The following RASAL2 variants were observed in gnomAD, a reference collection of about 807,000 sequenced individuals.
The protein encoded by RASAL2 is ras GTPase-activating protein nGAP.
RASAL2 carries 58 observed loss-of-function variants against 128.9 expected under a neutral mutation model. That is an observed-to-expected ratio of 0.45 (90% CI 0.36 to 0.56). RASAL2 has a LOEUF of 0.56. RASAL2 is among the 20% of genes least tolerant of loss of function. RASAL2 has a pLI of 0.00. For missense variants in RASAL2, 1,360 were observed against 1,601.6 expected (o/e 0.85, Z 2.57); for synonymous variants, 561 against 580.8 (o/e 0.97, Z 0.49).
Position 178,210,835 on chromosome 1 carries a change from A to G in RASAL2, c.203-72729A>G, listed in dbSNP as rs143742974. Among the ~76,000 whole-genome samples the G allele has an allele frequency of 3.0e-3, 454 of 152,308 alleles. 2 individuals carry two copies. The highest frequency in any genetic ancestry group is 0.011 in the African/African-American group (437 of 41,568). On this transcript the variant is annotated intron_variant, in intron 1 of 17. Coordinates refer to ENST00000367649, the MANE Select transcript of RASAL2 (RefSeq NM_170692.4). ...ATAAAATTTTTGTTTGCTCTGTCCA[A>G]ACACCAAGGGCTCTAGTACTGTAGA...
intron 5 of RASAL2, among the ~76,000 whole-genome samples, chr1:178,432,251 A>T (rs536527967): frequency 6.6e-6 from 1 of 152,014 alleles, no homozygotes; most frequent in South Asian, 2.1e-4. Context: ...CTCATATTTC[A>T]TTCATTTTCT....
At chr1:178,111,832 C>T (rs993643722) in intron 1 of RASAL2, among the ~76,000 whole-genome samples, 6 of 152,128 alleles carry the variant, frequency 3.9e-5, no homozygotes, top group Admixed American at 2.6e-4. Context: ...CGGGTTCAAG[C>T]GATTCTCCCA....
At chr1:178,253,200 T>A (rs902263512) in intron 1 of RASAL2, among the ~76,000 whole-genome samples, 2 of 152,170 alleles carry the variant, frequency 1.3e-5, no homozygotes, top group Non-Finnish European at 2.9e-5. Context: ...CTGTCTCCGG[T>A]GTCACATGGC....
chr1:178,307,877 G>A (rs1254746861), intron 3 of RASAL2, among the ~76,000 whole-genome samples: 7 of 152,202 alleles, frequency 4.6e-5, no homozygotes, highest in Non-Finnish European at 1.0e-4. Flanking sequence ...ATAGTTGTTT[G>A]CATGTAACAT....
intron 5 of RASAL2, among the ~76,000 whole-genome samples, chr1:178,437,022 A>G (rs1310324284): frequency 6.6e-6 from 1 of 152,128 alleles, no homozygotes; most frequent in Non-Finnish European, 1.5e-5. Flanking sequence ...CCATGTTTGC[A>G]GAGCATGCCC....
At chr1:178,234,665 A>T (rs1251436933) in intron 1 of RASAL2, among the ~76,000 whole-genome samples, 1 of 152,110 alleles carries the variant, frequency 6.6e-6, no homozygotes, top group Non-Finnish European at 1.5e-5. Flanking sequence ...TATGTTTTTT[A>T]AAAAACCTTA....
chr1:178,400,811 T>G (rs1284338046), intron 4 of RASAL2, among the ~76,000 whole-genome samples: 2 of 152,188 alleles, frequency 1.3e-5, no homozygotes, highest in Admixed American at 6.6e-5. Context: ...AATGCAGTGG[T>G]GTAATCTCAG....
intron 3 of RASAL2, among the ~76,000 whole-genome samples, chr1:178,366,603 AAC>A (rs1214012066): frequency 1.6e-5 from 2 of 122,286 alleles, no homozygotes; most frequent in East Asian, 2.8e-4. Flanking sequence ...GCCAAAAAAA[AAC>A]ACAGATTATA....
At chr1:178,252,306 G>A (rs985880599) in intron 1 of RASAL2, among the ~76,000 whole-genome samples, 3 of 151,980 alleles carry the variant, frequency 2.0e-5, no homozygotes, top group African/African-American at 7.2e-5. Flanking sequence ...TATGCAGATA[G>A]TATACTCACT....
intron 1 of RASAL2, among the ~76,000 whole-genome samples, chr1:178,212,646 C>T (rs537946727): frequency 2.0e-5 from 3 of 152,076 alleles, no homozygotes; most frequent in African/African-American, 7.2e-5. Context: ...TATGCACCAC[C>T]ACGCCCAACT....
rs555960512 is a variant in RASAL2 at position 178,186,394 on chromosome 1, AT to A, written c.202+91708del. ...CATTTCCATTGATTTCTACTCTGTT[AT>A]TTTTTTTACTTCTGCTTACATTAGG... On this transcript the variant is annotated intron_variant, in intron 1 of 17. Coordinates refer to ENST00000367649, the MANE Select transcript of RASAL2 (RefSeq NM_170692.4). Among the ~76,000 whole-genome samples the A allele has an allele frequency of 2.1e-3, 311 of 151,358 alleles. 1 individual carries two copies. The highest frequency in any genetic ancestry group is 3.5e-3 in the Non-Finnish European group (237 of 67,770).
intron 3 of RASAL2, among the ~76,000 whole-genome samples, chr1:178,375,648 C>T (rs773953954): frequency 2.5e-4 from 38 of 152,002 alleles, no homozygotes; most frequent in Non-Finnish European, 4.4e-4. Context: ...GTTTGTGTAG[C>T]TCAGGTGAAT....
At chr1:178,324,220 G>A (rs1668923164) in intron 3 of RASAL2, among the ~76,000 whole-genome samples, 1 of 152,094 alleles carries the variant, frequency 6.6e-6, no homozygotes, top group Non-Finnish European at 1.5e-5. Context: ...AATAGACTAG[G>A]TGTTATGTTT....
chr1:178,302,230 C>T (rs370092719), intron 3 of RASAL2, among the ~76,000 whole-genome samples: 15 of 152,160 alleles, frequency 9.9e-5, no homozygotes, highest in African/African-American at 3.6e-4. Flanking sequence ...CTATGCCAGT[C>T]GCTAAGAGTG....
intron 1 of RASAL2, among the ~76,000 whole-genome samples, chr1:178,212,124 A>G (rs116753111): frequency 0.018 from 2,753 of 152,300 alleles, 76 homozygotes; most frequent in African/African-American, 0.059. Context: ...GTAGATGTAG[A>G]AATGGTCTAC....
intron 1 of RASAL2, among the ~76,000 whole-genome samples, chr1:178,163,844 T>A (rs911264308): frequency 1.3e-5 from 2 of 152,184 alleles, no homozygotes; most frequent in African/African-American, 4.8e-5. Flanking sequence ...TTTGTTTAAT[T>A]TGTAGATCAA....
In RASAL2 at chr1:178,094,343, A is replaced by T; in HGVS notation, c.-150A>T. 1 of 677,972 alleles carries T rather than the reference A, an allele frequency of 1.5e-6. No individual in the cohort carries two copies. The highest frequency in any genetic ancestry group is 3.7e-5 in the Admixed American group (1 of 27,326). The allele number at this position is 677,972 out of a possible 1,614,324, so 42.0% of individuals were successfully genotyped here. A position where few individuals can be genotyped will look rare whatever the true frequency, so the allele number is the denominator to read the frequency against. On this transcript the variant is annotated 5_prime_UTR_variant, in exon 1 of 18. Transcript: ENST00000367649. ...GAGCCTCGGGCAGTGGGCGACGGGG[A>T]AGGAGGTGAGAGGTGTCCGCGCCGG...
intron 1 of RASAL2, among the ~76,000 whole-genome samples, chr1:178,158,274 A>G (rs566970204): frequency 5.9e-5 from 9 of 152,360 alleles, no homozygotes; most frequent in Non-Finnish European, 8.8e-5. Flanking sequence ...AATTAGATCA[A>G]CTTGGGTTCA....
chr1:178,234,360 G>A (rs978262840), intron 1 of RASAL2, among the ~76,000 whole-genome samples: 4 of 152,018 alleles, frequency 2.6e-5, no homozygotes, highest in African/African-American at 4.8e-5. Flanking sequence ...TAAAAAGTTG[G>A]GATTTTAATT....
Sources: gnomAD v4.1 joint callset for allele counts (sites outside exome capture counted in the v4.1 genomes callset) on GRCh38, gnomAD v4.1.1 for gene constraint, MANE v1.5 for transcripts, NCBI Gene and HGNC (gene_info 2026-07-23, HGNC 2026-07-21) for gene names.